RASD2: variants seen among roughly 807,000 people sequenced by gnomAD.
The protein encoded by RASD2 is GTP-binding protein Rhes.
A neutral mutation model predicts 15.8 loss-of-function variants in RASD2; 7 were observed. The ratio of observed to expected loss-of-function variants is 0.44; its 90% CI spans 0.25 to 0.83. The LOEUF is 0.83. RASD2 is among the 40% of genes least tolerant of loss of function. RASD2 has a pLI of 0.20. For missense variants in RASD2, 274 were observed against 382.8 expected (o/e 0.72, Z 2.37); for synonymous variants, 155 against 153.6 (o/e 1.01, Z -0.07).
Position 35,552,354 on chromosome 22 carries a change from G to T in RASD2, c.*322G>T. 2.6e-6 allele frequency: 1 copy of T among 384,788 alleles called. No individual in the cohort carries two copies. The highest frequency in any genetic ancestry group is 4.2e-5 in the South Asian group (1 of 23,680). The allele number at this position is 384,788 out of a possible 1,614,324, so 23.8% of individuals were successfully genotyped here. A position where few individuals can be genotyped will look rare whatever the true frequency, so the allele number is the denominator to read the frequency against. ...GAAATGTTGATGCCAGAGGGGTGAG[G>T]ATTGCTGCGTCATATGGAGCCTCCT... is the stretch of plus-strand genomic sequence containing the variant. On this transcript the variant is annotated 3_prime_UTR_variant, in exon 3 of 3. Transcript: ENST00000216127.
chr22:35,540,634 C>A (rs1261075871), upstream of RASD2, among the ~76,000 whole-genome samples: 1 of 152,078 alleles, frequency 6.6e-6, no homozygotes, highest in Non-Finnish European at 1.5e-5. Context: ...GAGGGATCAG[C>A]GACCTCTTCG....
chr22:35,547,081 G>A lies in RASD2; in HGVS notation c.271+1G>A. On this transcript the variant is annotated splice_donor_variant, in intron 2 of 2. Transcript: ENST00000216127. LOFTEE classifies it high-confidence loss of function. ...ATGCGCAGGCTGTCCATCCTCACAG[G>A]TGAGGCCCACTGGTGCCTGGGCTGG... 1 of 1,610,966 alleles carries A rather than the reference G, an allele frequency of 6.2e-7. No individual in the cohort carries two copies. Among genetic ancestry groups the A allele is most frequent in the Non-Finnish European group, 8.5e-7 (1 of 1,177,850 alleles).
chr22:35,533,640 A>ATAG, the RASD2 span, among the ~76,000 whole-genome samples: 5 of 3,782 alleles, frequency 1.3e-3, no homozygotes, highest in African/African-American at 6.7e-3. Context: ...GATGGTGATG[A>ATAG]TGGTGATGAT....
chr22:35,538,425 T>TGAG (rs1934276294), upstream of RASD2, among the ~76,000 whole-genome samples: 1 of 149,130 alleles, frequency 6.7e-6, no homozygotes, highest in Non-Finnish European at 1.5e-5. Context: ...ACAAAGGGTC[T>TGAG]GATGAGGGAT....
At position 35,551,834 on chromosome 22, in the gene RASD2, T is replaced by G. The variant is rs1934676168; in HGVS notation, c.603T>G (p.His201Gln). 1 of 1,613,860 alleles carries G rather than the reference T, an allele frequency of 6.2e-7. No individual in the cohort carries two copies. Among genetic ancestry groups the G allele is most frequent in the Non-Finnish European group, 8.5e-7 (1 of 1,180,000 alleles). The stretch of plus-strand genomic sequence containing the variant: ...CACACGAGATGAGCCCCGCCCTGCA[T>G]CGCAAGATCTCCGTGCAGTACGGTG... ...KLPHEMSPAL[H>Q]RKISVQYGDA... Residue 201 changes from histidine to glutamine, a missense_variant, in exon 3 of 3, where the codon CAT becomes CAG. Coordinates refer to ENST00000216127, the MANE Select transcript of RASD2 (RefSeq NM_014310.4). This position sits in a 1 kb window ranked among gnomAD's most constrained non-coding sequence, Gnocchi z 4.9.
Position 35,547,030 on chromosome 22 carries a change from C to A in RASD2, c.221C>A (p.Thr74Asn). Residue 74 changes from threonine to asparagine, a missense_variant, in exon 2 of 3, where the codon ACC becomes AAC. Transcript: ENST00000216127. ...GDMYQLDILD[T>N]SGNHPFPAMR... ...ATGTACCAGCTCGACATCCTGGATA[C>A]CTCTGGCAACCACCCCTTCCCCGCC... 4 of 1,614,194 alleles carry A rather than the reference C, an allele frequency of 2.5e-6. No homozygotes were observed. Among genetic ancestry groups the A allele is most frequent in the Non-Finnish European group, 3.4e-6 (4 of 1,180,032 alleles).
In RASD2 at chr22:35,551,562, C is replaced by T. The variant is rs1187775929; in HGVS notation, c.331C>T (p.Arg111Cys). The T allele has an allele frequency of 1.2e-6, 2 of 1,613,966 alleles. No individual in the cohort carries two copies. Among genetic ancestry groups the T allele is most frequent in the Non-Finnish European group, 1.7e-6 (2 of 1,180,008 alleles). ...DNRESFDEVK[R>C]LQKQILEVKS... The stretch of plus-strand genomic sequence containing the variant: ...CCGGGAGTCCTTCGATGAGGTCAAG[C>T]GCCTTCAGAAGCAGATCCTGGAGGT... The change falls in exon 3 of 3, where the codon CGC (arginine) becomes TGC (cysteine). Residue 111 changes from arginine (R) to cysteine (C), a missense_variant. Physicochemically the swap from Arg to Cys is radical, Grantham distance 180. Coordinates refer to ENST00000216127, the MANE Select transcript of RASD2 (RefSeq NM_014310.4). The surrounding 1 kb of genome is among the most constrained non-coding windows in gnomAD (Gnocchi z 4.9).
Position 35,551,682 on chromosome 22 carries a change from G to C in RASD2, c.451G>C (p.Val151Leu). Residue 151 changes from valine to leucine, a missense_variant, in exon 3 of 3, where the codon GTG becomes CTG. Physicochemically the swap from Val to Leu is conservative, Grantham distance 32. Coordinates refer to ENST00000216127, the MANE Select transcript of RASD2 (RefSeq NM_014310.4). This position sits in a 1 kb window ranked among gnomAD's most constrained non-coding sequence, Gnocchi z 4.9. Reference sequence around the variant, plus strand: ...CGACCACGGCGAGCTGTGCCGCCAGGTGCCCACCACCGAGGCCGAGCTGCT... The same window carrying C: ...CGACCACGGCGAGCTGTGCCGCCAGCTGCCCACCACCGAGGCCGAGCTGCT... ...KNDHGELCRQVPTTEAELLVS... is the reference protein window; with the variant it reads ...KNDHGELCRQLPTTEAELLVS... 6.2e-7 allele frequency: 1 copy of C among 1,613,864 alleles called. No homozygotes were observed. The highest frequency in any genetic ancestry group is 8.5e-7 in the Non-Finnish European group (1 of 1,179,836).
upstream of RASD2, among the ~76,000 whole-genome samples, chr22:35,537,050 A>G (rs1439105159): frequency 6.6e-6 from 1 of 152,012 alleles, no homozygotes; most frequent in African/African-American, 2.4e-5. Context: ...CAGCATTAGG[A>G]ACTGCTGTTC....
In RASD2 at chr22:35,551,642, C is replaced by A; in HGVS notation, c.411C>A (p.Ile137=). 1 of 1,614,218 alleles carries A rather than the reference C, an allele frequency of 6.2e-7. No individual in the cohort carries two copies. Among genetic ancestry groups the A allele is most frequent in the Non-Finnish European group, 8.5e-7 (1 of 1,180,034 alleles). The change falls in exon 3 of 3, where the codon ATC becomes ATA. Residue 137 remains isoleucine (I), a synonymous_variant. Transcript: ENST00000216127. The surrounding 1 kb of genome is among the most constrained non-coding windows in gnomAD (Gnocchi z 4.9). ...AGGCGGCGGAGCTGCCCATGGTCATCTGTGGCAACAAGAACGACCACGGCG... is the reference window on the plus strand; with the variant it reads ...AGGCGGCGGAGCTGCCCATGGTCATATGTGGCAACAAGAACGACCACGGCG... ...TKEAAELPMV[I]CGNKNDHGEL...
the RASD2 span, among the ~76,000 whole-genome samples, chr22:35,533,799 A>G: frequency 1.4e-5 from 2 of 139,802 alleles, no homozygotes; most frequent in African/African-American, 2.7e-5. Context: ...GGGGATGATG[A>G]CAGTGATGAT....
upstream of RASD2, chr22:35,540,797 G>T (rs1452493394): frequency 1.3e-5 from 2 of 152,334 alleles, no homozygotes; most frequent in African/African-American, 4.8e-5. Flanking sequence ...CCTTGGGGCG[G>T]CGTTCAAGGC....
In RASD2 at chr22:35,551,892, C is replaced by T. The variant is rs766683427; in HGVS notation, c.661C>T (p.Arg221Cys). 6.8e-6 allele frequency: 11 copies of T among 1,613,268 alleles called. No individual in the cohort carries two copies. The highest frequency in any genetic ancestry group is 1.7e-5 in the Admixed American group (1 of 59,990). ...AFHPRPFCMR[R>C]VKEMDAYGMV... ...CCACCCCAGGCCCTTCTGCATGCGCCGCGTCAAGGAGATGGACGCCTATGG... is the reference window on the plus strand; with the variant it reads ...CCACCCCAGGCCCTTCTGCATGCGCTGCGTCAAGGAGATGGACGCCTATGG... The change falls in exon 3 of 3, where the codon CGC (arginine) becomes TGC (cysteine). Residue 221 changes from arginine to cysteine, a missense_variant. By Grantham distance (180) the Arg-to-Cys change is radical. Transcript: ENST00000216127. The surrounding 1 kb of genome is among the most constrained non-coding windows in gnomAD (Gnocchi z 4.9).
At position 35,551,266 on chromosome 22, in the gene RASD2, C is replaced by T. The variant is rs767952960; in HGVS notation, c.272-237C>T. Among the ~76,000 whole-genome samples, 1 of 152,188 alleles carries T rather than the reference C, an allele frequency of 6.6e-6. No homozygotes were observed. Among genetic ancestry groups the T allele is most frequent in the Non-Finnish European group, 1.5e-5 (1 of 68,030 alleles). ...CCAAGTGGTCCACGTGTTAGCTATG[C>T]GACTGTGAACAGGGGCTTCAACCCC... On this transcript the variant is annotated intron_variant, in intron 2 of 2. Coordinates refer to ENST00000216127, the MANE Select transcript of RASD2 (RefSeq NM_014310.4). The surrounding 1 kb of genome is among the most constrained non-coding windows in gnomAD (Gnocchi z 4.9).
the RASD2 span, among the ~76,000 whole-genome samples, chr22:35,532,950 A>G: frequency 6.6e-6 from 1 of 152,212 alleles, no homozygotes; most frequent in Non-Finnish European, 1.5e-5. Context: ...TCCAGAGTCC[A>G]AAAAACAGAC....
At chr22:35,535,184 G>A in the RASD2 span, among the ~76,000 whole-genome samples, 2 of 152,048 alleles carry the variant, frequency 1.3e-5, no homozygotes, top group Admixed American at 6.5e-5. Context: ...CAGGAAGCTC[G>A]CTTGAGCCCA....
chr22:35,534,632 A>T, the RASD2 span, among the ~76,000 whole-genome samples: 1 of 152,176 alleles, frequency 6.6e-6, no homozygotes, highest in Admixed American at 6.5e-5. Context: ...GTTCCCTGCA[A>T]AAATATTCTG....
At chr22:35,541,740 GGAAA>G (rs1231656681) in intron 1 of RASD2, among the ~76,000 whole-genome samples, 1 of 152,172 alleles carries the variant, frequency 6.6e-6, no homozygotes, top group Non-Finnish European at 1.5e-5. Flanking sequence ...CTTAATCCCA[GGAAA>G]GAAAGATTTA....
chr22:35,546,058 C>G (rs1014134867), intron 1 of RASD2, among the ~76,000 whole-genome samples: 1 of 152,100 alleles, frequency 6.6e-6, no homozygotes, highest in Admixed American at 6.5e-5. Flanking sequence ...TCCTCTACTC[C>G]GGGCCTCTGG....
Sources: gnomAD v4.1 joint callset for allele counts (sites outside exome capture counted in the v4.1 genomes callset) on GRCh38, gnomAD v4.1.1 for gene constraint, Gnocchi (gnomAD v3.1) non-coding constraint, MANE v1.5 for transcripts, NCBI Gene and HGNC (gene_info 2026-07-23, HGNC 2026-07-21) for gene names.